PDZRN4: variants seen among roughly 807,000 people sequenced by gnomAD.
PDZRN4 encodes the protein PDZ domain-containing RING finger protein 4.
A neutral mutation model predicts 99.0 loss-of-function variants in PDZRN4; 70 were observed. The ratio of observed to expected loss-of-function variants is 0.71; its 90% CI spans 0.58 to 0.86. PDZRN4 has a LOEUF of 0.86. Among genes scored for constraint, PDZRN4 ranks in the 40% least tolerant of loss-of-function variants. PDZRN4 has a pLI of 0.00. For missense variants in PDZRN4, 1,474 were observed against 1,331.2 expected (o/e 1.11, Z -1.67); for synonymous variants, 551 against 501.6 (o/e 1.10, Z -1.32).
chr12:41,295,866 A>T (rs1592001281), intron 3 of PDZRN4, among the ~76,000 whole-genome samples: 1 of 152,196 alleles, frequency 6.6e-6, no homozygotes, highest in African/African-American at 2.4e-5. Context: ...GTTTATGGGG[A>T]CAATGCCCCA....
chr12:41,191,198 G>A (rs1478288874), intron 1 of PDZRN4, among the ~76,000 whole-genome samples: 1 of 152,146 alleles, frequency 6.6e-6, no homozygotes, highest in African/African-American at 2.4e-5. Flanking sequence ...AGAGCTTCCT[G>A]TCTCAAAATG....
intron 7 of PDZRN4, among the ~76,000 whole-genome samples, chr12:41,560,894 C>T (rs983271931): frequency 6.6e-5 from 10 of 152,252 alleles, no homozygotes; most frequent in Non-Finnish European, 1.0e-4. Context: ...ATCTACCAAC[C>T]GGTTGGCTAA....
In PDZRN4 at chr12:41,574,065, A is replaced by C. The variant is rs1328677036; in HGVS notation, c.*175A>C. ...TTTCATTTGTTTTTCATATACTGGTACCTTCTTTTTGGCTGAGATCTTTCT... is the reference window on the plus strand; with the variant it reads ...TTTCATTTGTTTTTCATATACTGGTCCCTTCTTTTTGGCTGAGATCTTTCT... On this transcript the variant is annotated 3_prime_UTR_variant, in exon 10 of 10. Coordinates refer to ENST00000402685, the MANE Select transcript of PDZRN4 (RefSeq NM_001164595.2). The C allele has an allele frequency of 2.4e-6, 1 of 420,596 alleles. No homozygotes were observed. The highest frequency in any genetic ancestry group is 2.0e-5 in the African/African-American group (1 of 49,436). The allele number at this position is 420,596 out of a possible 1,614,324, so 26.1% of individuals were successfully genotyped here.
chr12:41,386,897 G>A (rs1488284450), intron 3 of PDZRN4, among the ~76,000 whole-genome samples: 1 of 152,174 alleles, frequency 6.6e-6, no homozygotes, highest in Non-Finnish European at 1.5e-5. Flanking sequence ...TTCAATAAAT[G>A]ATGCTGGGAT....
At chr12:41,358,200 C>T (rs748759172) in intron 3 of PDZRN4, among the ~76,000 whole-genome samples, 1 of 151,880 alleles carries the variant, frequency 6.6e-6, no homozygotes, top group Non-Finnish European at 1.5e-5. Context: ...GGGAGGTTGA[C>T]AAAAAGCACA....
At chr12:41,236,645 T>C (rs1951069099) in intron 3 of PDZRN4, among the ~76,000 whole-genome samples, 1 of 152,104 alleles carries the variant, frequency 6.6e-6, no homozygotes, top group African/African-American at 2.4e-5. Context: ...AGTGGGACTC[T>C]GAAGAGGTGA....
chr12:41,569,564 A>G (rs1053414149), intron 9 of PDZRN4, among the ~76,000 whole-genome samples: 1 of 152,164 alleles, frequency 6.6e-6, no homozygotes, highest in Non-Finnish European at 1.5e-5. Context: ...CTCAACATTA[A>G]TTCTTAACAC....
intron 3 of PDZRN4, among the ~76,000 whole-genome samples, chr12:41,461,739 G>A (rs1952875599): frequency 6.6e-6 from 1 of 151,976 alleles, no homozygotes; most frequent in African/African-American, 2.4e-5. Context: ...ACTTTATGAT[G>A]TCCTCTCAGA....
chr12:41,417,724 A>G (rs764835313), intron 3 of PDZRN4, among the ~76,000 whole-genome samples: 10 of 152,220 alleles, frequency 6.6e-5, no homozygotes. Flanking sequence ...GCATTCTCAG[A>G]TAGGTGATGG....
chr12:41,305,507 GA>G (rs1266402607), intron 3 of PDZRN4, among the ~76,000 whole-genome samples: 2 of 152,160 alleles, frequency 1.3e-5, no homozygotes, highest in African/African-American at 4.8e-5. Context: ...CAAATTGCCA[GA>G]AGATTTGGTA....
rs71081733 is a variant in PDZRN4, at chr12:41,378,520, A to ATTTTTTTTTTTTTTTTTTTTT, written c.844-127917_844-127916insTTTTTTTTTTTTTTTTTTTTT. ...TTTGGAAGTGCTCCTTCTGTCTTCA[A>ATTTTTTTTTTTTTTTTTTTTT]TTTTTTTTTTTTTTTTTTTGAGACA... is the stretch of plus-strand genomic sequence containing the variant. On this transcript the variant is annotated intron_variant, in intron 3 of 9. Transcript: ENST00000402685. Among the ~76,000 whole-genome samples the ATTTTTTTTTTTTTTTTTTTTT allele has an allele frequency of 2.1e-4, 22 of 102,834 alleles. 1 individual carries two copies. Among genetic ancestry groups the ATTTTTTTTTTTTTTTTTTTTT allele is most frequent in the African/African-American group, 8.2e-4 (22 of 26,754 alleles). The allele number at this position is 102,834 out of a possible 152,430, so 67.5% of individuals were successfully genotyped here.
At chr12:41,335,634 T>C (rs1252654274) in intron 3 of PDZRN4, among the ~76,000 whole-genome samples, 1 of 152,114 alleles carries the variant, frequency 6.6e-6, no homozygotes, top group Non-Finnish European at 1.5e-5. Flanking sequence ...ATATTAGTTT[T>C]CCACTGGGTT....
Position 41,191,446 on chromosome 12 carries a change from A to G in PDZRN4, c.649-12A>G, listed in dbSNP as rs749656222. 1 of 1,371,676 alleles carries G rather than the reference A, an allele frequency of 7.3e-7. No individual in the cohort carries two copies. The highest frequency in any genetic ancestry group is 2.3e-5 in the East Asian group (1 of 43,216). 85.0% of individuals were successfully genotyped at this position (1,371,676 alleles called of 1,614,324 possible). A position where few individuals can be genotyped will look rare whatever the true frequency, so the allele number is the denominator to read the frequency against. The stretch of plus-strand genomic sequence containing the variant: ...TTTACCTGGTTAAGTCATTTTATAC[A>G]TTTTTTTCTAGGATGGAGAGCATAA... On this transcript the variant is annotated splice_polypyrimidine_tract_variant and intron_variant, in intron 1 of 9. Transcript: ENST00000402685.
At chr12:41,256,551 G>C (rs766680000) in intron 3 of PDZRN4, among the ~76,000 whole-genome samples, 1 of 152,080 alleles carries the variant, frequency 6.6e-6, no homozygotes. Context: ...TCCTCTTGAC[G>C]TAAGGCAAAG....
intron 3 of PDZRN4, among the ~76,000 whole-genome samples, chr12:41,319,957 T>C (rs1185477755): frequency 2.0e-5 from 3 of 152,214 alleles, no homozygotes; most frequent in African/African-American, 7.2e-5. Context: ...GGCCACCTCC[T>C]ATTGCTTCCC....
At chr12:41,381,831 G>T (rs1428003902) in intron 3 of PDZRN4, among the ~76,000 whole-genome samples, 2 of 152,072 alleles carry the variant, frequency 1.3e-5, no homozygotes, top group Non-Finnish European at 2.9e-5. Context: ...TGAGGAAATG[G>T]CCACCTCTTC....
intron 2 of PDZRN4, among the ~76,000 whole-genome samples, chr12:41,192,915 TAACTG>T (rs1325884606): frequency 1.3e-5 from 2 of 152,226 alleles, no homozygotes; most frequent in Non-Finnish European, 2.9e-5. Context: ...ATTTTCACCG[TAACTG>T]GAAAAAGGTG....
intron 3 of PDZRN4, among the ~76,000 whole-genome samples, chr12:41,456,277 C>T (rs1190228051): frequency 2.0e-5 from 3 of 152,272 alleles, no homozygotes; most frequent in Non-Finnish European, 4.4e-5. Context: ...AACCAATTTC[C>T]CTCCTGCTTA....
At chr12:41,532,321 T>C (rs1565607575) in intron 5 of PDZRN4, among the ~76,000 whole-genome samples, 1 of 152,226 alleles carries the variant, frequency 6.6e-6, no homozygotes, top group South Asian at 2.1e-4. Flanking sequence ...TAAATTGTTA[T>C]ATCTTTATAA....
Sources: allele counts gnomAD v4.1 joint callset (sites outside exome capture counted in the v4.1 genomes callset), GRCh38; gene constraint gnomAD v4.1.1; transcripts MANE v1.5; gene names NCBI Gene and HGNC (gene_info 2026-07-23, HGNC 2026-07-21).